Variants in IMMP2L observed in about 807,000 individuals in gnomAD.
IMMP2L encodes the protein inner mitochondrial membrane peptidase subunit 2.
A neutral mutation model predicts 19.3 loss-of-function variants in IMMP2L; 18 were observed. The observed-to-expected ratio is 0.93, with a 90% CI of 0.64 to 1.38. The LOEUF (loss-of-function observed/expected upper bound fraction) is 1.38, where lower values mean the gene tolerates loss of function less well. Among genes scored for constraint, IMMP2L ranks in the 40% most tolerant of loss-of-function variants. The probability of loss-of-function intolerance (pLI) is 0.00; values close to 1 mark genes in which losing one functional copy is unlikely to be tolerated. For missense variants in IMMP2L, 233 were observed against 218.2 expected (o/e 1.07, Z -0.43); for synonymous variants, 76 against 73.0 (o/e 1.04, Z -0.21).
intron 3 of IMMP2L, among the ~76,000 whole-genome samples, chr7:111,344,400 C>G (rs1023197301): frequency 2.0e-5 from 3 of 152,138 alleles, no homozygotes; most frequent in African/African-American, 7.2e-5. Flanking sequence ...TGTAATACCT[C>G]TTGAAATAGA....
chr7:110,996,850 T>A (rs1441908843), intron 3 of IMMP2L, among the ~76,000 whole-genome samples: 1 of 152,094 alleles, frequency 6.6e-6, no homozygotes, highest in Non-Finnish European at 1.5e-5. Flanking sequence ...TCCACCGAAC[T>A]TATTCAGATT....
chr7:111,103,612 T>C (rs1263497804), intron 3 of IMMP2L, among the ~76,000 whole-genome samples: 1 of 151,682 alleles, frequency 6.6e-6, no homozygotes, highest in African/African-American at 2.4e-5. Flanking sequence ...TTTCTCCTGT[T>C]CCAATATTTT....
chr7:111,235,046 CT>C (rs1211523090), intron 3 of IMMP2L, among the ~76,000 whole-genome samples: 1 of 152,122 alleles, frequency 6.6e-6, no homozygotes, highest in African/African-American at 2.4e-5. Context: ...CATTTTTCTT[CT>C]GTCTGAAGAA....
rs941086706 is a variant in IMMP2L at position 110,877,897 on chromosome 7, A to G, written c.408+8696T>C. ...AGACATATGTTTTTCCATATATTTTATACTCTAAAAATAAAAAACAAAAAA... is the reference window on the plus strand; with the variant it reads ...AGACATATGTTTTTCCATATATTTTGTACTCTAAAAATAAAAAACAAAAAA... On this transcript the variant is annotated intron_variant, in intron 5 of 5. Transcript: ENST00000405709. The surrounding 1 kb of genome is among the most constrained non-coding windows in gnomAD (Gnocchi z 4.0). Among the ~76,000 whole-genome samples the G allele has an allele frequency of 1.3e-5, 2 of 152,158 alleles. No individual in the cohort carries two copies. Among genetic ancestry groups the G allele is most frequent in the African/African-American group, 4.8e-5 (2 of 41,446 alleles).
At chr7:111,530,836 A>C (rs1366708534) in intron 1 of IMMP2L, among the ~76,000 whole-genome samples, 1 of 152,208 alleles carries the variant, frequency 6.6e-6, no homozygotes, top group Non-Finnish European at 1.5e-5. Flanking sequence ...TAAGTCACTC[A>C]GATAAAAGAA....
intron 3 of IMMP2L, among the ~76,000 whole-genome samples, chr7:111,103,041 C>G (rs1400890228): frequency 6.6e-6 from 1 of 151,518 alleles, no homozygotes; most frequent in African/African-American, 2.4e-5. Context: ...GTCCATTGAT[C>G]ATAGTGACTT....
At chr7:110,730,030 T>G (rs17477219) in intron 5 of IMMP2L, among the ~76,000 whole-genome samples, 32,638 of 151,986 alleles carry the variant, frequency 0.21, 3,678 homozygotes, top group Non-Finnish European at 0.26. Context: ...TCAAAGAGGT[T>G]GGCTTTTAAT....
chr7:111,306,111 T>C (rs964388332), intron 3 of IMMP2L, among the ~76,000 whole-genome samples: 1 of 152,200 alleles, frequency 6.6e-6, no homozygotes. Flanking sequence ...CTCTTCTTCA[T>C]TCTATTTTAC....
chr7:111,186,127 A>C (rs937875806), intron 3 of IMMP2L, among the ~76,000 whole-genome samples: 1 of 152,168 alleles, frequency 6.6e-6, no homozygotes, highest in Admixed American at 6.5e-5. Context: ...CATATATTTT[A>C]TTTTATGCAT....
rs542908229 is a variant in IMMP2L at position 111,269,594 on chromosome 7, G to C, written c.239+217644C>G. Among the ~76,000 whole-genome samples, 3 of 151,986 alleles carry C rather than the reference G, an allele frequency of 2.0e-5. No individual in the cohort carries two copies. The South Asian group carries it at 6.2e-4, about 32-fold the overall frequency. On this transcript the variant is annotated intron_variant, in intron 3 of 5. Coordinates refer to ENST00000405709, the MANE Select transcript of IMMP2L (RefSeq NM_032549.4). ...ATGAATACAGTATTTTCTTCTGTAT[G>C]TATATGATGTTAAATGCAAGTTTTA...
intron 5 of IMMP2L, among the ~76,000 whole-genome samples, chr7:110,695,298 C>G (rs987717632): frequency 1.3e-5 from 2 of 151,966 alleles, no homozygotes; most frequent in Non-Finnish European, 2.9e-5. Context: ...TTCAAGCTGT[C>G]CCCCCGCCTT....
intron 3 of IMMP2L, among the ~76,000 whole-genome samples, chr7:111,160,901 A>T (rs1360684546): frequency 5.9e-5 from 9 of 151,600 alleles, no homozygotes; most frequent in Admixed American, 5.9e-4. Flanking sequence ...AAATATTAGA[A>T]ATTGAAAAGG....
chr7:110,926,798 G>T (rs1037707009), intron 4 of IMMP2L, among the ~76,000 whole-genome samples: 13 of 152,044 alleles, frequency 8.6e-5, no homozygotes, highest in African/African-American at 3.1e-4. Flanking sequence ...ACAGATATTG[G>T]TGAGGCCATC....
intron 3 of IMMP2L, among the ~76,000 whole-genome samples, chr7:111,229,995 T>C (rs187539994): frequency 2.0e-5 from 3 of 152,076 alleles, no homozygotes; most frequent in Non-Finnish European, 4.4e-5. Flanking sequence ...TGGGCTAGCA[T>C]ATGGTTTATT....
At chr7:111,291,218 A>AG (rs1213004701) in intron 3 of IMMP2L, among the ~76,000 whole-genome samples, 7 of 152,104 alleles carry the variant, frequency 4.6e-5, no homozygotes, top group Non-Finnish European at 1.0e-4. Context: ...AGATCTTTTG[A>AG]GGGAAAAAAA....
At chr7:111,204,348 A>T (rs1159966835) in intron 3 of IMMP2L, among the ~76,000 whole-genome samples, 1 of 152,134 alleles carries the variant, frequency 6.6e-6, no homozygotes, top group Non-Finnish European at 1.5e-5. Flanking sequence ...ACAACAAAAA[A>T]ATCTCATTTT....
At chr7:110,742,222 T>TTTTCTAAAATGTG (rs1461302546) in intron 5 of IMMP2L, among the ~76,000 whole-genome samples, 2 of 152,186 alleles carry the variant, frequency 1.3e-5, no homozygotes, top group African/African-American at 2.4e-5. Context: ...ATGGTAACTT[T>TTTTCTAAAATGTG]TTTCTAAAAA....
intron 3 of IMMP2L, among the ~76,000 whole-genome samples, chr7:111,385,936 T>C (rs1047923725): frequency 2.0e-5 from 3 of 151,906 alleles, no homozygotes; most frequent in Non-Finnish European, 4.4e-5. Flanking sequence ...TTTTTTTTAA[T>C]AGAGGCAGGG....
chr7:111,129,793 A>C (rs2129593227), intron 3 of IMMP2L, among the ~76,000 whole-genome samples: 1 of 152,280 alleles, frequency 6.6e-6, no homozygotes, highest in East Asian at 1.9e-4. Context: ...TATTCTTCTA[A>C]AGGAAAATGA....
Sources: gnomAD v4.1 joint callset for allele counts (sites outside exome capture counted in the v4.1 genomes callset) on GRCh38, gnomAD v4.1.1 for gene constraint, Gnocchi (gnomAD v3.1) non-coding constraint, MANE v1.5 for transcripts, NCBI Gene and HGNC (gene_info 2026-07-23, HGNC 2026-07-21) for gene names.